Variants in MAML3 observed in about 807,000 individuals in gnomAD.
MAML3 encodes mastermind like transcriptional coactivator 3, also known as mastermind-like protein 3.
Under a neutral mutation model 101.9 loss-of-function variants are expected in MAML3, and 27 were observed. The observed-to-expected ratio is 0.27, with a 90% CI of 0.20 to 0.37. The LOEUF is 0.37. Among genes scored for constraint, MAML3 ranks in the 10% least tolerant of loss-of-function variants. MAML3 has a pLI of 1.00. For synonymous variants in MAML3, 501 were observed against 555.9 expected (o/e 0.90, Z 1.39); for missense variants, 1,316 against 1,444.9 (o/e 0.91, Z 1.45).
intron 2 of MAML3, among the ~76,000 whole-genome samples, chr4:139,886,689 T>G (rs1268370852): frequency 6.6e-6 from 1 of 152,180 alleles, no homozygotes; most frequent in African/African-American, 2.4e-5. Context: ...GGATCAAAGT[T>G]TTCACTATCA....
At chr4:140,030,164 T>C (rs150778343) in intron 1 of MAML3, among the ~76,000 whole-genome samples, 5 of 152,366 alleles carry the variant, frequency 3.3e-5, no homozygotes, top group Non-Finnish European at 5.9e-5. Context: ...ATGCGGTCCC[T>C]GGTTCATTTC....
At chr4:139,915,804 G>C (rs987520891) in intron 1 of MAML3, among the ~76,000 whole-genome samples, 1 of 152,084 alleles carries the variant, frequency 6.6e-6, no homozygotes, top group Non-Finnish European at 1.5e-5. Context: ...ATTTTGGGGT[G>C]ATGAGGGGTA....
At chr4:140,056,398 C>T (rs1446894067) in intron 1 of MAML3, among the ~76,000 whole-genome samples, 3 of 151,142 alleles carry the variant, frequency 2.0e-5, no homozygotes, top group Non-Finnish European at 4.4e-5. Flanking sequence ...GCTCTTGTCG[C>T]CCAGGCTGGA....
At chr4:139,807,689 AAC>A (rs1258883564) in intron 2 of MAML3, among the ~76,000 whole-genome samples, 1 of 152,208 alleles carries the variant, frequency 6.6e-6, no homozygotes, top group Non-Finnish European at 1.5e-5. Flanking sequence ...CACTGGGAGG[AAC>A]ACAGTTCTTT....
intron 1 of MAML3, among the ~76,000 whole-genome samples, chr4:140,022,939 G>A (rs1194506789): frequency 6.6e-6 from 1 of 152,168 alleles, no homozygotes; most frequent in East Asian, 1.9e-4. Flanking sequence ...GTAAGGGACA[G>A]CACAGAGTAG....
rs189504201 is a variant in MAML3, at chr4:140,050,753, G to A, written c.468+102107C>T. Among the ~76,000 whole-genome samples, 334 of 152,226 alleles carry A rather than the reference G, an allele frequency of 2.2e-3. 1 individual carries two copies. Among genetic ancestry groups the A allele is most frequent in the African/African-American group, 7.8e-3 (322 of 41,544 alleles). ...TCAATCTATAAAGTGACCAACTCTCGCAGCGATTCTATACAAAAGAGGCAG... is the reference window on the plus strand; with the variant it reads ...TCAATCTATAAAGTGACCAACTCTCACAGCGATTCTATACAAAAGAGGCAG... On this transcript the variant is annotated intron_variant, in intron 1 of 4. Transcript: ENST00000509479.
At chr4:139,720,729 A>C (rs1236057665) in intron 4 of MAML3, among the ~76,000 whole-genome samples, 1 of 152,226 alleles carries the variant, frequency 6.6e-6, no homozygotes, top group Non-Finnish European at 1.5e-5. Flanking sequence ...TATAGGTATG[A>C]CATCATCCTC....
intron 1 of MAML3, among the ~76,000 whole-genome samples, chr4:140,011,764 C>T (rs1361237774): frequency 6.6e-6 from 1 of 152,144 alleles, no homozygotes; most frequent in African/African-American, 2.4e-5. Context: ...TTGTGCACTG[C>T]AGTTTCTGTA....
rs533651744 is a variant in MAML3 at position 139,802,420 on chromosome 4, C to T, written c.2080-71753G>A. ...CACTGTTTTCCCATGAGCAACTCCT[C>T]CTTGCTTGCTGCCATGCCCGACTTC... On this transcript the variant is annotated intron_variant, in intron 2 of 4. Transcript: ENST00000509479. 6.6e-5 allele frequency among the ~76,000 whole-genome samples: 10 copies of T among 152,314 alleles called. No homozygotes were observed. The South Asian group carries it at 2.1e-3, about 32-fold the overall frequency.
chr4:140,152,854 C>G lies in MAML3; in HGVS notation c.468+6G>C. The G allele has an allele frequency of 2.5e-6, 4 of 1,609,100 alleles. No individual in the cohort carries two copies. The South Asian group carries it at 4.4e-5, about 18-fold the overall frequency. ...CGCCGCAAGCCCGCTGCCCGTGCGC[C>G]CTCACCATGATCAGCGTGTGGTTCC... On this transcript the variant is annotated splice_donor_region_variant and intron_variant, in intron 1 of 4. Transcript: ENST00000509479.
intron 2 of MAML3, among the ~76,000 whole-genome samples, chr4:139,812,000 C>T (rs1190606050): frequency 6.6e-6 from 1 of 152,146 alleles, no homozygotes; most frequent in Non-Finnish European, 1.5e-5. Flanking sequence ...TGGTGGCTCA[C>T]ACCTATAATC....
At chr4:140,128,628 G>A (rs1309498526) in intron 1 of MAML3, among the ~76,000 whole-genome samples, 1 of 152,136 alleles carries the variant, frequency 6.6e-6, no homozygotes, top group African/African-American at 2.4e-5. Flanking sequence ...ACCCACACAG[G>A]CTATCCCCAC....
At chr4:139,891,006 A>G (rs1403836648) in intron 1 of MAML3, 39 bp from the exon 2 acceptor site, 4 of 1,581,392 alleles carry the variant, frequency 2.5e-6, no homozygotes, top group Non-Finnish European at 3.4e-6. Context: ...TAAACCTCCA[A>G]GTCATATTTT....
At position 139,753,046 on chromosome 4, in the gene MAML3, G is replaced by A. The variant is rs115686472; in HGVS notation, c.2080-22379C>T. Among the ~76,000 whole-genome samples, 477 of 152,264 alleles carry A rather than the reference G, an allele frequency of 3.1e-3. 2 individuals carry two copies. The highest frequency in any genetic ancestry group is 0.011 in the African/African-American group (440 of 41,564). On this transcript the variant is annotated intron_variant, in intron 2 of 4. Coordinates refer to ENST00000509479, the MANE Select transcript of MAML3 (RefSeq NM_018717.5). ...CCTGTCTTCAAAAAGACTTATGACC[G>A]TCTTGAATCCTGTTTCAGGAGAGGG...
chr4:140,058,784 G>C (rs1030467224), intron 1 of MAML3, among the ~76,000 whole-genome samples: 2 of 151,890 alleles, frequency 1.3e-5, no homozygotes, highest in African/African-American at 2.4e-5. Flanking sequence ...CTGTTCTTCT[G>C]AATTAATCCT....
At chr4:139,962,715 C>A in intron 1 of MAML3, among the ~76,000 whole-genome samples, 1 of 151,872 alleles carries the variant, frequency 6.6e-6, no homozygotes, top group African/African-American at 2.4e-5. Flanking sequence ...TTTTAAAAAC[C>A]AAGAAAAAGA....
chr4:140,099,044 T>C (rs1728211253), intron 1 of MAML3, among the ~76,000 whole-genome samples: 1 of 152,194 alleles, frequency 6.6e-6, no homozygotes, highest in Non-Finnish European at 1.5e-5. Flanking sequence ...AAGATTGTAA[T>C]GTGCAATAAA....
At chr4:140,004,037 CA>C in intron 1 of MAML3, among the ~76,000 whole-genome samples, 1 of 152,316 alleles carries the variant, frequency 6.6e-6, no homozygotes, top group Non-Finnish European at 1.5e-5. Context: ...AGAGACTGCA[CA>C]CAGGCACTTT....
rs554476229 is a variant in MAML3 at position 139,960,097 on chromosome 4, C to A, written c.469-69130G>T. ...AGCTCGTGATGGTTTGAGGTCATTC[C>A]AGAAACCCTACATTGGGGGAGGAAG... On this transcript the variant is annotated intron_variant, in intron 1 of 4. Coordinates refer to ENST00000509479, the MANE Select transcript of MAML3 (RefSeq NM_018717.5). Among the ~76,000 whole-genome samples, 4 of 152,178 alleles carry A rather than the reference C, an allele frequency of 2.6e-5. No individual in the cohort carries two copies. The South Asian group carries it at 8.3e-4, about 32-fold the overall frequency.
Sources: gnomAD v4.1 joint callset for allele counts (sites outside exome capture counted in the v4.1 genomes callset) on GRCh38, gnomAD v4.1.1 for gene constraint, MANE v1.5 for transcripts, NCBI Gene and HGNC (gene_info 2026-07-23, HGNC 2026-07-21) for gene names.